Variants in RUNX1 observed in about 807,000 individuals in gnomAD.
RUNX1 encodes the protein RUNX family transcription factor 1.
Under a neutral mutation model 42.8 loss-of-function variants are expected in RUNX1, and 19 were observed. The ratio of observed to expected loss-of-function variants is 0.44; its 90% CI spans 0.31 to 0.65. The LOEUF (loss-of-function observed/expected upper bound fraction) is 0.65, where lower values mean the gene tolerates loss of function less well. Among genes scored for constraint, RUNX1 ranks in the 30% least tolerant of loss-of-function variants. RUNX1 has a pLI of 0.07. For synonymous variants in RUNX1, 271 were observed against 289.4 expected (o/e 0.94, Z 0.64); for missense variants, 528 against 672.0 (o/e 0.79, Z 2.37).
At chr21:34,926,650 T>C (rs2058397424) in intron 2 of RUNX1, among the ~76,000 whole-genome samples, 1 of 151,988 alleles carries the variant, frequency 6.6e-6, no homozygotes, top group Non-Finnish European at 1.5e-5. Flanking sequence ...GGGTTTCTTA[T>C]AAAGCAGGCT....
At chr21:34,878,489 A>C (rs549857334) in intron 5 of RUNX1, among the ~76,000 whole-genome samples, 1 of 152,026 alleles carries the variant, frequency 6.6e-6, no homozygotes, top group Admixed American at 6.6e-5. Flanking sequence ...GCTTATTATC[A>C]CTGGTGGGAA....
chr21:34,889,398 CT>C (rs556724919), intron 3 of RUNX1, among the ~76,000 whole-genome samples: 4,016 of 152,182 alleles, frequency 0.026, 77 homozygotes, highest in Middle Eastern at 0.051. Context: ...TTTTTTACCG[CT>C]GCGCCCGGGC....
At chr21:34,937,614 T>A (rs939108142) in intron 2 of RUNX1, among the ~76,000 whole-genome samples, 4 of 151,918 alleles carry the variant, frequency 2.6e-5, no homozygotes, top group Non-Finnish European at 5.9e-5. Flanking sequence ...TCTGAGAAAT[T>A]GGATCAGAAA....
At chr21:34,976,462 T>C (rs772608801) in intron 2 of RUNX1, among the ~76,000 whole-genome samples, 8 of 152,188 alleles carry the variant, frequency 5.3e-5, no homozygotes, top group Non-Finnish European at 1.0e-4. Flanking sequence ...TCATTATAAT[T>C]GTAAGACTTT....
chr21:34,818,831 G>T (rs529796094), intron 7 of RUNX1, among the ~76,000 whole-genome samples: 3 of 152,318 alleles, frequency 2.0e-5, no homozygotes, highest in East Asian at 1.9e-4. Flanking sequence ...TGAGAAACTG[G>T]GTGGAGCAGC....
At position 34,963,717 on chromosome 21, in the gene RUNX1, G is replaced by C. The variant is rs2058697888; in HGVS notation, c.59-70754C>G. Among the ~76,000 whole-genome samples the C allele has an allele frequency of 6.6e-5, 10 of 152,260 alleles. No individual in the cohort carries two copies. The South Asian group carries it at 2.1e-3, about 32-fold the overall frequency. ...CAGGTCCGGAGGCGAGACAAGATGT[G>C]GATTTTGACGGTGAATCAATGGGGC... On this transcript the variant is annotated intron_variant, in intron 2 of 8. Transcript: ENST00000675419.
chr21:35,047,539 AC>A, intron 2 of RUNX1, among the ~76,000 whole-genome samples: 1 of 133,090 alleles, frequency 7.5e-6, no homozygotes, highest in Non-Finnish European at 1.6e-5. Context: ...ACACACACAC[AC>A]ACACACACAC....
At chr21:34,829,904 G>A (rs2057039469) in intron 7 of RUNX1, 1 of 152,230 alleles carries the variant, frequency 6.6e-6, no homozygotes, top group African/African-American at 2.4e-5. Context: ...AGGTGGAAAG[G>A]TTTTCTTCCT....
At chr21:35,020,383 A>G (rs1179140035) in intron 2 of RUNX1, among the ~76,000 whole-genome samples, 1 of 152,092 alleles carries the variant, frequency 6.6e-6, no homozygotes, top group African/African-American at 2.4e-5. Flanking sequence ...GGGTTTGATC[A>G]CCCTCATGGA....
At chr21:34,870,915 G>A (rs959880852) in intron 5 of RUNX1, among the ~76,000 whole-genome samples, 8 of 152,178 alleles carry the variant, frequency 5.3e-5, no homozygotes, top group South Asian at 2.1e-4. Context: ...CTGAGATCAC[G>A]ACACTGCATT....
chr21:34,887,260 G>GGGGGGGGGT, intron 3 of RUNX1, 164 bp from the exon 4 acceptor site: 7 of 771,776 alleles, frequency 9.1e-6, no homozygotes, highest in East Asian at 7.2e-5. Flanking sequence ...GGCGGGGGTG[G>GGGGGGGGGT]TTAGGGGAGG....
At chr21:34,964,275 T>A (rs1266639110) in intron 2 of RUNX1, among the ~76,000 whole-genome samples, 1 of 151,828 alleles carries the variant, frequency 6.6e-6, no homozygotes, top group Non-Finnish European at 1.5e-5. Context: ...GATTACTAGG[T>A]CAGGAGATCG....
intron 2 of RUNX1, among the ~76,000 whole-genome samples, chr21:35,011,856 A>G (rs902566917): frequency 6.6e-6 from 1 of 152,234 alleles, no homozygotes; most frequent in African/African-American, 2.4e-5. Flanking sequence ...CTCTGTTCAA[A>G]TAAAGTCTGT....
intron 2 of RUNX1, among the ~76,000 whole-genome samples, chr21:35,014,046 G>A (rs1025927284): frequency 6.6e-6 from 1 of 152,128 alleles, no homozygotes; most frequent in Non-Finnish European, 1.5e-5. Flanking sequence ...ATGATAACAG[G>A]AGACCTGGAA....
chr21:34,930,712 C>T (rs969226771), intron 2 of RUNX1, among the ~76,000 whole-genome samples: 1 of 140,906 alleles, frequency 7.1e-6, no homozygotes, highest in Non-Finnish European at 1.5e-5. Context: ...CACTCTCTCT[C>T]TCTCTCTCAC....
intron 2 of RUNX1, among the ~76,000 whole-genome samples, chr21:34,946,483 G>C (rs775507846): frequency 1.1e-4 from 16 of 152,052 alleles, no homozygotes; most frequent in Non-Finnish European, 1.9e-4. Context: ...TGTTGACATA[G>C]TCTCCAGGAA....
intron 2 of RUNX1, among the ~76,000 whole-genome samples, chr21:34,956,139 G>C (rs997245097): frequency 6.6e-6 from 1 of 152,130 alleles, no homozygotes; most frequent in African/African-American, 2.4e-5. Context: ...TGTGGGTTTT[G>C]GCACAAACCT....
At chr21:34,826,259 T>C (rs2056985623) in intron 7 of RUNX1, among the ~76,000 whole-genome samples, 1 of 152,086 alleles carries the variant, frequency 6.6e-6, no homozygotes, top group African/African-American at 2.4e-5. Flanking sequence ...GTGAGTGGGT[T>C]ATTGGTGAAG....
At chr21:34,992,573 T>C (rs370044693) in intron 2 of RUNX1, among the ~76,000 whole-genome samples, 12 of 150,984 alleles carry the variant, frequency 7.9e-5, no homozygotes, top group African/African-American at 2.4e-4. Context: ...CTCCCAATCA[T>C]TAAACAAGTG....
Sources: gnomAD v4.1 joint callset for allele counts (sites outside exome capture counted in the v4.1 genomes callset) on GRCh38, gnomAD v4.1.1 for gene constraint, MANE v1.5 for transcripts, NCBI Gene and HGNC (gene_info 2026-07-23, HGNC 2026-07-21) for gene names.